Variants in UTS2B observed in about 807,000 individuals in gnomAD.
UTS2B encodes urotensin-2B.
In UTS2B, 21 loss-of-function variants were observed where a neutral mutation model predicts 19.2. The observed-to-expected ratio is 1.09, with a 90% CI of 0.78 to 1.58. The LOEUF (loss-of-function observed/expected upper bound fraction) is 1.58, where lower values mean the gene tolerates loss of function less well. UTS2B is among the 40% of genes most tolerant of loss of function. UTS2B has a pLI of 0.00. For synonymous variants in UTS2B, 57 were observed against 50.2 expected, an observed-to-expected ratio of 1.14 and a Z score of -0.58; for missense variants, 138 against 130.3, an observed-to-expected ratio of 1.06 and a Z score of -0.29.
intron 3 of UTS2B, among the ~76,000 whole-genome samples, chr3:191,312,136 A>G (rs1717319001): frequency 1.3e-5 from 2 of 150,416 alleles, no homozygotes; most frequent in Non-Finnish European, 3.0e-5. Flanking sequence ...TGGGTGACAG[A>G]GCAAGATTCT....
At chr3:191,290,840 T>C (rs1422986855) in intron 4 of UTS2B, among the ~76,000 whole-genome samples, 2 of 152,234 alleles carry the variant, frequency 1.3e-5, no homozygotes, top group Non-Finnish European at 2.9e-5. Flanking sequence ...CACAGATAAG[T>C]GTTTGTATGG....
At chr3:191,329,545 T>G in intron 1 of UTS2B, 1 of 846,582 alleles carries the variant, frequency 1.2e-6, no homozygotes, top group Non-Finnish European at 1.7e-6. Context: ...CGCTCCGTTC[T>G]CCGGCCTGCG....
chr3:191,308,549 G>C (rs1176268381), intron 3 of UTS2B, among the ~76,000 whole-genome samples: 2 of 152,154 alleles, frequency 1.3e-5, no homozygotes, highest in Non-Finnish European at 2.9e-5. Flanking sequence ...ATTTGGGGTT[G>C]GGTAATTCTT....
chr3:191,339,458 C>T, the UTS2B span, among the ~76,000 whole-genome samples: 78 of 152,280 alleles, frequency 5.1e-4, no homozygotes, highest in African/African-American at 1.8e-3. Flanking sequence ...ATCTTGTCTT[C>T]CTGTTCCTAG....
chr3:191,325,114 A>ACTC (rs1254569817), intron 2 of UTS2B, among the ~76,000 whole-genome samples: 2 of 151,850 alleles, frequency 1.3e-5, no homozygotes, highest in Non-Finnish European at 2.9e-5. Context: ...AGAAGGAATG[A>ACTC]CTCTGTATGT....
intron 2 of UTS2B, among the ~76,000 whole-genome samples, chr3:191,325,170 T>C (rs539585852): frequency 6.6e-6 from 1 of 151,994 alleles, no homozygotes; most frequent in African/African-American, 2.4e-5. Flanking sequence ...TGACAGAGAG[T>C]GAGAAAAAAA....
chr3:191,326,572 T>C (rs1157329539), intron 2 of UTS2B, among the ~76,000 whole-genome samples: 1 of 152,204 alleles, frequency 6.6e-6, no homozygotes, highest in African/African-American at 2.4e-5. Context: ...GGCATTCAAG[T>C]TGTGATTTGA....
At chr3:191,276,658 T>G (rs976975847) in intron 7 of UTS2B, 149 bp downstream of exon 7, 1 of 610,942 alleles carries the variant, frequency 1.6e-6, no homozygotes. Flanking sequence ...GATTTTTCTT[T>G]TTCTACAAAA....
intron 2 of UTS2B, among the ~76,000 whole-genome samples, chr3:191,321,895 C>G (rs185608268): frequency 2.6e-5 from 4 of 152,002 alleles, no homozygotes; most frequent in Non-Finnish European, 5.9e-5. Flanking sequence ...GGCGTGGTGG[C>G]GGGTGCCTGT....
chr3:191,294,625 T>C (rs2108587767), intron 4 of UTS2B: 1 of 152,010 alleles, frequency 6.6e-6, no homozygotes, highest in South Asian at 2.1e-4. Context: ...TCAGGGTCTC[T>C]TATATGTATT....
the UTS2B span, among the ~76,000 whole-genome samples, chr3:191,341,346 C>T: frequency 1.3e-5 from 2 of 152,084 alleles, no homozygotes. Context: ...TAATTTAGTC[C>T]TCACAACATT....
chr3:191,309,877 G>GC (rs1717245365), intron 3 of UTS2B, among the ~76,000 whole-genome samples: 5 of 152,116 alleles, frequency 3.3e-5, no homozygotes, highest in African/African-American at 1.2e-4. Flanking sequence ...TGTTCATCCT[G>GC]CAGAACCATG....
At chr3:191,338,201 A>G in the UTS2B span, among the ~76,000 whole-genome samples, 2 of 152,198 alleles carry the variant, frequency 1.3e-5, no homozygotes, top group African/African-American at 4.8e-5. Context: ...TTGACTATGG[A>G]GGAGTCCATG....
chr3:191,292,707 A>G (rs968293798), intron 4 of UTS2B, among the ~76,000 whole-genome samples: 1 of 152,162 alleles, frequency 6.6e-6, no homozygotes, highest in South Asian at 2.1e-4. Context: ...AAGTGGTGAA[A>G]GTGGACCTCT....
At chr3:191,340,067 AT>A in the UTS2B span, among the ~76,000 whole-genome samples, 7 of 152,210 alleles carry the variant, frequency 4.6e-5, no homozygotes, top group Non-Finnish European at 8.8e-5. Flanking sequence ...CAAAAGACAA[AT>A]GTCTATCACT....
chr3:191,330,558 C>G (rs1717946046), upstream of UTS2B: 1 of 152,076 alleles, frequency 6.6e-6, no homozygotes, highest in East Asian at 1.9e-4. Flanking sequence ...TTCTTTGGTC[C>G]TAGGAAGCAT....
chr3:191,327,546 G>A (rs1416371038), intron 2 of UTS2B, among the ~76,000 whole-genome samples: 1 of 152,140 alleles, frequency 6.6e-6, no homozygotes, highest in Non-Finnish European at 1.5e-5. Flanking sequence ...TGGAAAAGAG[G>A]CCTCTACACA....
chr3:191,328,981 G>A lies in UTS2B; in HGVS notation c.-664-272C>T, dbSNP rs4687210. The A allele has an allele frequency of 0.17, 26,451 of 152,162 alleles. 2,890 individuals are homozygous for A. The highest frequency in any genetic ancestry group is 0.24 in the Non-Finnish European group (16,081 of 68,004). The allele number at this position is 152,162 out of a possible 1,614,324, so 9.4% of individuals were successfully genotyped here. ...CATCTACCATCTCTCCTCTAATTCC[G>A]GGTGCAAAAAGAGTGTATGAGAGAG... On this transcript the variant is annotated intron_variant, in intron 1 of 8. Coordinates refer to ENST00000340524, the MANE Select transcript of UTS2B (RefSeq NM_198152.5).
At chr3:191,311,702 G>A (rs77055326) in intron 3 of UTS2B, among the ~76,000 whole-genome samples, 1,559 of 152,284 alleles carry the variant, frequency 0.01, 26 homozygotes, top group African/African-American at 0.035. Flanking sequence ...CAGTGCCTTC[G>A]TCACCTGTGC....
Sources: allele counts gnomAD v4.1 joint callset (sites outside exome capture counted in the v4.1 genomes callset), GRCh38; gene constraint gnomAD v4.1.1; transcripts MANE v1.5; gene names NCBI Gene and HGNC (gene_info 2026-07-23, HGNC 2026-07-21).